The following PRR12 variants were observed in gnomAD, a reference collection of about 807,000 sequenced individuals.
The protein encoded by PRR12 is proline-rich protein 12.
A neutral mutation model predicts 138.0 loss-of-function variants in PRR12; 12 were observed. That is an observed-to-expected ratio of 0.09 (90% CI 0.06 to 0.14). The LOEUF is 0.14. Ranked by LOEUF, PRR12 falls within the 10% of genes least tolerant of loss-of-function variation. The pLI is 1.00. For synonymous variants in PRR12, 1,567 were observed against 1,291.7 expected, an observed-to-expected ratio of 1.21 and a Z score of -4.57; for missense variants, 2,692 against 2,861.3, an observed-to-expected ratio of 0.94 and a Z score of 1.35.
chr19:49,603,326 A>G (rs1285419597), intron 6 of PRR12, among the ~76,000 whole-genome samples: 4 of 152,254 alleles, frequency 2.6e-5, no homozygotes, highest in East Asian at 1.9e-4. Flanking sequence ...GCCATTCTCC[A>G]TGTCAATCAT....
rs528148742 is a variant in PRR12 at position 49,615,772 on chromosome 19, G to A, written c.5050G>A (p.Val1684Ile). The change falls in exon 9 of 14, where the codon GTA becomes ATA. Residue 1684 changes from valine (V) to isoleucine (I), a missense_variant. Val to Ile is a conservative substitution (Grantham distance 29, BLOSUM62 3). This residue lies in a region of PRR12 where 259 missense variants were observed against 265.1 expected (regional missense o/e 0.98). Coordinates refer to ENST00000418929, the MANE Select transcript of PRR12 (RefSeq NM_020719.3). ...VRRSGQAKNP[V>I]SAGGSSAPPP... ...ACGCTCTGGGCAGGCCAAGAACCCC[G>A]TATCTGCTGGGGGTAGCTCTGCACC... 74 of 1,612,806 alleles carry A rather than the reference G, an allele frequency of 4.6e-5. No homozygotes were observed. The highest frequency in any genetic ancestry group is 8.0e-5 in the African/African-American group (6 of 74,948).
At chr19:49,603,197 G>A (rs187890601) in intron 6 of PRR12, among the ~76,000 whole-genome samples, 1 of 152,342 alleles carries the variant, frequency 6.6e-6, no homozygotes, top group Non-Finnish European at 1.5e-5. Flanking sequence ...AATGTGCAAG[G>A]CACTTGACAG....
At position 49,597,560 on chromosome 19, in the gene PRR12, A is replaced by G. The variant is rs1021057769; in HGVS notation, c.3225A>G (p.Thr1075=). Residue 1075 remains threonine (T), a synonymous_variant, in exon 4 of 14, where the codon ACA becomes ACG. Transcript: ENST00000418929. This position sits in a 1 kb window ranked among gnomAD's most constrained non-coding sequence, Gnocchi z 6.3. The part of the protein sequence containing the change: ...CSTKPKKLLK[T]SSFHLLRRRD... ...CCAAGCCAAAGAAGCTGCTCAAGAC[A>G]TCCTCCTTCCACCTGCTGCGGCGCC... 1 of 1,593,790 alleles carries G rather than the reference A, an allele frequency of 6.3e-7. No homozygotes were observed. Among genetic ancestry groups the G allele is most frequent in the Non-Finnish European group, 8.5e-7 (1 of 1,172,148 alleles).
At chr19:49,600,067 G>T in intron 5 of PRR12, 129 bp downstream of exon 5, 2 of 1,081,610 alleles carry the variant, frequency 1.8e-6, no homozygotes, top group Middle Eastern at 4.2e-4. Flanking sequence ...GCGTGTTTAT[G>T]AAGGGACTTT....
chr19:49,599,224 G>C lies in PRR12; in HGVS notation c.3679-48G>C, dbSNP rs2080795099. On this transcript the variant is annotated intron_variant, in intron 4 of 13. Transcript: ENST00000418929. This position sits in a 1 kb window ranked among gnomAD's most constrained non-coding sequence, Gnocchi z 5.0. ...TTGGGGGCTGAGGGAGGATGGGACT[G>C]GGGGCCCAGGCTACTGGGCCCTCAC... 1 of 1,492,818 alleles carries C rather than the reference G, an allele frequency of 6.7e-7. No homozygotes were observed. The highest frequency in any genetic ancestry group is 2.3e-5 in the East Asian group (1 of 43,288). 92.5% of individuals were successfully genotyped at this position (1,492,818 alleles called of 1,614,324 possible).
Position 49,597,143 on chromosome 19 carries a change from C to T in PRR12, c.2808C>T (p.Asp936=). The T allele has an allele frequency of 1.3e-6, 2 of 1,551,738 alleles. No individual in the cohort carries two copies. The highest frequency in any genetic ancestry group is 2.4e-5 in the East Asian group (1 of 41,138). Residue 936 remains aspartate (D), a synonymous_variant, in exon 4 of 14, where the codon GAC becomes GAT. Transcript: ENST00000418929. This position sits in a 1 kb window ranked among gnomAD's most constrained non-coding sequence, Gnocchi z 6.3. ...FVPLTSICFP[D]SLLQDEERSF... ...CGCTCACCTCCATCTGCTTCCCTGA[C>T]TCCTTGCTCCAAGACGAGGAGCGCA...
At position 49,591,605 on chromosome 19, in the gene PRR12, T is replaced by TCCCCCCCCCCCCC; in HGVS notation, c.-47_-46insCCCCCCCCCCCCC. 7.8e-6 allele frequency: 1 copy of TCCCCCCCCCCCCC among 127,726 alleles called. No individual in the cohort carries two copies. Among genetic ancestry groups the TCCCCCCCCCCCCC allele is most frequent in the Non-Finnish European group, 1.5e-5 (1 of 68,088 alleles). The allele number at this position is 127,726 out of a possible 1,614,324, so 7.9% of individuals were successfully genotyped here. A position where few individuals can be genotyped will look rare whatever the true frequency, so the allele number is the denominator to read the frequency against. ...CGGAGGAGAGCGCGCGCGCGCCCCC[T>TCCCCCCCCCCCCC]CCCTCCCTCCCTCCCTCCCCCTCCC... On this transcript the variant is annotated 5_prime_UTR_variant, in exon 1 of 14. Transcript: ENST00000418929.
chr19:49,599,462 A>G lies in PRR12; in HGVS notation c.3869A>G (p.Lys1290Arg), dbSNP rs2080796905. ...ATGGCCTCCTTCTTGGACTTCCTCAAGTCAGGCAAGCGCCACCCACCACTC... is the reference window on the plus strand; with the variant it reads ...ATGGCCTCCTTCTTGGACTTCCTCAGGTCAGGCAAGCGCCACCCACCACTC... ...GFMASFLDFLKSGKRHPPLYQ... is the reference protein window; with the variant it reads ...GFMASFLDFLRSGKRHPPLYQ... Residue 1290 changes from lysine (K) to arginine (R), a missense_variant, in exon 5 of 14, where the codon AAG (lysine) becomes AGG (arginine). By Grantham distance (26) the Lys-to-Arg change is conservative (BLOSUM62 2). Coordinates refer to ENST00000418929, the MANE Select transcript of PRR12 (RefSeq NM_020719.3). This position sits in a 1 kb window ranked among gnomAD's most constrained non-coding sequence, Gnocchi z 5.0. 11 of 1,602,986 alleles carry G rather than the reference A, an allele frequency of 6.9e-6. No homozygotes were observed. The highest frequency in any genetic ancestry group is 2.2e-5 in the South Asian group (2 of 89,606).
rs72175242 is a variant in PRR12, at chr19:49,607,361, GCA to G, written c.4773+5462_4773+5463del. Among the ~76,000 whole-genome samples the G allele has an allele frequency of 2.1e-3, 309 of 147,702 alleles. 2 individuals are homozygous for G. Among genetic ancestry groups the G allele is most frequent in the East Asian group, 0.01 (52 of 5,078 alleles). On this transcript the variant is annotated intron_variant, in intron 6 of 13. Transcript: ENST00000418929. ...GAGTGAGCCTCTGTCATGTACGTGT[GCA>G]CACACACACACACACACAGAGTTTC...
In PRR12 at chr19:49,593,381, C is replaced by G. The variant is rs1356787052; in HGVS notation, c.141C>G (p.Arg47=). Residue 47 remains arginine (R), a synonymous_variant, in exon 2 of 14, where the codon CGC becomes CGG. Transcript: ENST00000418929. ...TSHPETDILH[R]QAYAAPHPLQ... ...ACCCCGAGACGGACATCTTACACCG[C>G]CAGGCCTATGCGGCCCCCCACCCAC... The G allele has an allele frequency of 6.2e-7, 1 of 1,612,552 alleles. No homozygotes were observed. The highest frequency in any genetic ancestry group is 2.2e-5 in the East Asian group (1 of 44,766).
rs368916857 is a variant in PRR12, at chr19:49,594,917, G to C, written c.582G>C (p.Ser194=). The change falls in exon 4 of 14, where the codon TCG becomes TCC. Residue 194 remains serine (S), a synonymous_variant. Coordinates refer to ENST00000418929, the MANE Select transcript of PRR12 (RefSeq NM_020719.3). The surrounding 1 kb of genome is among the most constrained non-coding windows in gnomAD (Gnocchi z 5.6). ...ATGACGTGCTGCACCTGAAGCCCTCGCAGGCACCCACGGTGCCCTCTTCAC... is the reference window on the plus strand; with the variant it reads ...ATGACGTGCTGCACCTGAAGCCCTCCCAGGCACCCACGGTGCCCTCTTCAC... ...SPHDVLHLKP[S]QAPTVPSSLG... 1 of 1,607,686 alleles carries C rather than the reference G, an allele frequency of 6.2e-7. No individual in the cohort carries two copies. Among genetic ancestry groups the C allele is most frequent in the Admixed American group, 1.7e-5 (1 of 59,198 alleles).
chr19:49,607,270 C>A (rs1242510846), intron 6 of PRR12, among the ~76,000 whole-genome samples: 3 of 152,182 alleles, frequency 2.0e-5, no homozygotes, highest in Non-Finnish European at 4.4e-5. Context: ...GGGAGGATCA[C>A]TTGAGCCCGG....
At position 49,595,771 on chromosome 19, in the gene PRR12, C is replaced by G. The variant is rs960476354; in HGVS notation, c.1436C>G (p.Pro479Arg). 6.3e-7 allele frequency: 1 copy of G among 1,599,916 alleles called. No individual in the cohort carries two copies. The highest frequency in any genetic ancestry group is 8.5e-7 in the Non-Finnish European group (1 of 1,174,382). The change falls in exon 4 of 14, where the codon CCC (proline) becomes CGC (arginine). Residue 479 changes from proline (P) to arginine (R), a missense_variant. Transcript: ENST00000418929. ...AAAGCCCCCAGCTACTCAGGGGGCC[C>G]CCCACAGCCCCCCAGCGGCCCCCCT... ...LSKAPSYSGG[P>R]PQPPSGPPPP...
Position 49,596,744 on chromosome 19 carries a change from C to T in PRR12, c.2409C>T (p.Pro803=), listed in dbSNP as rs1204102703. Reference sequence around the variant, plus strand: ...CTCCGCCTCCCCCCCAGCTGCTCCCCTCGGTCCTCAGCCATGCCCCCAGTC... The same window carrying T: ...CTCCGCCTCCCCCCCAGCTGCTCCCTTCGGTCCTCAGCCATGCCCCCAGTC... ...VLPPPPPQLL[P]SVLSHAPSPS... Residue 803 remains proline, a synonymous_variant, in exon 4 of 14, where the codon CCC becomes CCT. Coordinates refer to ENST00000418929, the MANE Select transcript of PRR12 (RefSeq NM_020719.3). This position sits in a 1 kb window ranked among gnomAD's most constrained non-coding sequence, Gnocchi z 5.6. The T allele has an allele frequency of 1.2e-6, 2 of 1,604,820 alleles. No homozygotes were observed. Among genetic ancestry groups the T allele is most frequent in the Admixed American group, 1.7e-5 (1 of 59,916 alleles).
At chr19:49,600,067 G>A in intron 5 of PRR12, 129 bp downstream of exon 5, 1 of 1,081,608 alleles carries the variant, frequency 9.2e-7, no homozygotes, top group Non-Finnish European at 1.3e-6. Context: ...GCGTGTTTAT[G>A]AAGGGACTTT....
intron 11 of PRR12, among the ~76,000 whole-genome samples, chr19:49,622,920 T>G (rs1167254372): frequency 3.5e-5 from 3 of 85,332 alleles, no homozygotes. Flanking sequence ...TATATATATA[T>G]ATATATATAG....
At chr19:49,600,482 A>C (rs1425647275) in intron 5 of PRR12, among the ~76,000 whole-genome samples, 2 of 145,230 alleles carry the variant, frequency 1.4e-5, no homozygotes, top group Non-Finnish European at 3.1e-5. Flanking sequence ...GGAGTGTTCA[A>C]AAAAAAAAAA....
chr19:49,607,338 GT>G (rs986458660), intron 6 of PRR12, among the ~76,000 whole-genome samples: 1 of 148,438 alleles, frequency 6.7e-6, no homozygotes, highest in African/African-American at 2.5e-5. Context: ...GGGCAGCAGA[GT>G]GAGCCTCTGT....
At position 49,616,465 on chromosome 19, in the gene PRR12, G is replaced by C. The variant is rs1251879155; in HGVS notation, c.5497+246G>C. Among the ~76,000 whole-genome samples, 1 of 152,164 alleles carries C rather than the reference G, an allele frequency of 6.6e-6. No homozygotes were observed. Among genetic ancestry groups the C allele is most frequent in the African/African-American group, 2.4e-5 (1 of 41,430 alleles). On this transcript the variant is annotated intron_variant, in intron 9 of 13. Coordinates refer to ENST00000418929, the MANE Select transcript of PRR12 (RefSeq NM_020719.3). This position sits in a 1 kb window ranked among gnomAD's most constrained non-coding sequence, Gnocchi z 4.2. ...GTAGATACTGTTATCCTCATCTACA[G>C]ATGAGGAAGCTGAGGCTCCAAGAGA...
Sources: allele counts gnomAD v4.1 joint callset (sites outside exome capture counted in the v4.1 genomes callset), GRCh38; gene constraint gnomAD v4.1.1; regional missense constraint gnomAD v4.1.1; non-coding constraint Gnocchi (gnomAD v3.1); transcripts MANE v1.5; gene names NCBI Gene and HGNC (gene_info 2026-07-23, HGNC 2026-07-21).